The following VAV3 variants were observed in gnomAD, a reference collection of about 807,000 sequenced individuals.
VAV3 encodes the protein guanine nucleotide exchange factor VAV3.
In VAV3, 94 loss-of-function variants were observed where a neutral mutation model predicts 131.2. The ratio of observed to expected loss-of-function variants is 0.72; its 90% CI spans 0.61 to 0.85. The LOEUF (loss-of-function observed/expected upper bound fraction) is 0.85. Among genes scored for constraint, VAV3 ranks in the 40% least tolerant of loss-of-function variants. The pLI is 0.00. For missense variants in VAV3, 939 were observed against 1,002.7 expected (o/e 0.94, Z 0.86); for synonymous variants, 349 against 342.0 (o/e 1.02, Z -0.22).
intron 1 of VAV3, among the ~76,000 whole-genome samples, chr1:107,916,409 T>C (rs1220728504): frequency 1.3e-5 from 2 of 152,196 alleles, no homozygotes; most frequent in Admixed American, 6.5e-5. Context: ...TTCAAATATA[T>C]TGCAAGTAAT....
chr1:107,679,874 T>G (rs757585347), intron 19 of VAV3, among the ~76,000 whole-genome samples: 1 of 152,154 alleles, frequency 6.6e-6, no homozygotes, highest in Non-Finnish European at 1.5e-5. Flanking sequence ...GGAAGAAAAG[T>G]ACAAACTGAT....
At chr1:107,726,537 G>A (rs1018797994) in intron 15 of VAV3, among the ~76,000 whole-genome samples, 1 of 150,562 alleles carries the variant, frequency 6.6e-6, no homozygotes, top group Admixed American at 6.7e-5. Context: ...TCTTGTGCTT[G>A]TAACATCAAA....
chr1:107,888,363 A>G (rs983977728), intron 1 of VAV3, among the ~76,000 whole-genome samples: 4 of 151,802 alleles, frequency 2.6e-5, no homozygotes, highest in African/African-American at 7.3e-5. Flanking sequence ...TAGGCAACCT[A>G]CTCTCCCCTC....
rs142422440 is a variant in VAV3 at position 107,640,181 on chromosome 1, C to A, written c.1914+2438G>T. Among the ~76,000 whole-genome samples the A allele has an allele frequency of 4.8e-3, 730 of 152,184 alleles. 7 individuals carry two copies. Among genetic ancestry groups the A allele is most frequent in the African/African-American group, 0.016 (678 of 41,524 alleles). ...AATTATATTTGAATGTTCATAGAAG[C>A]TTTATTTGCAATAGCCAAAAACTAG... On this transcript the variant is annotated intron_variant, in intron 20 of 26. Coordinates refer to ENST00000370056, the MANE Select transcript of VAV3 (RefSeq NM_006113.5).
At chr1:107,867,377 G>C (rs918047613) in intron 2 of VAV3, among the ~76,000 whole-genome samples, 1 of 152,142 alleles carries the variant, frequency 6.6e-6, no homozygotes, top group Non-Finnish European at 1.5e-5. Context: ...TTCTATAAGA[G>C]GAGGTAGGAA....
intron 2 of VAV3, among the ~76,000 whole-genome samples, chr1:107,853,011 T>A (rs1004118658): frequency 1.3e-5 from 2 of 152,156 alleles, no homozygotes; most frequent in Admixed American, 6.6e-5. Context: ...TTTTTTAATT[T>A]GTATTGATTT....
chr1:107,597,259 T>G (rs1651474199), intron 24 of VAV3, among the ~76,000 whole-genome samples: 1 of 151,278 alleles, frequency 6.6e-6, no homozygotes, highest in Admixed American at 6.6e-5. Flanking sequence ...AAACCACTTG[T>G]TTCTTCTAAA....
At chr1:107,663,659 T>C (rs1657201498) in intron 19 of VAV3, among the ~76,000 whole-genome samples, 1 of 152,228 alleles carries the variant, frequency 6.6e-6, no homozygotes, top group South Asian at 2.1e-4. Flanking sequence ...CATTTGGTAG[T>C]ATTTTACCTC....
intron 21 of VAV3, among the ~76,000 whole-genome samples, 181 bp from the exon 22 acceptor site, chr1:107,610,146 T>C (rs553026604): frequency 6.6e-6 from 1 of 152,312 alleles, no homozygotes; most frequent in Admixed American, 6.5e-5. Context: ...TAGAAAATAA[T>C]TCATTTCACT....
chr1:107,654,559 T>C (rs1348968195), intron 19 of VAV3, among the ~76,000 whole-genome samples: 1 of 152,048 alleles, frequency 6.6e-6, no homozygotes, highest in East Asian at 1.9e-4. Flanking sequence ...TTCAATATTT[T>C]TCCCCCAACC....
At chr1:107,682,520 G>A (rs1476954476) in intron 19 of VAV3, among the ~76,000 whole-genome samples, 1 of 151,860 alleles carries the variant, frequency 6.6e-6, no homozygotes, top group African/African-American at 2.4e-5. Flanking sequence ...CTTCAAATTT[G>A]TTCTGTAGTT....
intron 2 of VAV3, among the ~76,000 whole-genome samples, chr1:107,859,205 G>T (rs947725066): frequency 2.6e-5 from 4 of 151,636 alleles, no homozygotes; most frequent in Admixed American, 2.0e-4. Flanking sequence ...TGAATAGCTG[G>T]GACTACTGGT....
intron 19 of VAV3, among the ~76,000 whole-genome samples, chr1:107,662,408 G>GA (rs1042565337): frequency 4.6e-4 from 70 of 151,210 alleles, no homozygotes; most frequent in African/African-American, 1.7e-3. Context: ...TTCTATAAGG[G>GA]AAAAAAAAAT....
chr1:107,814,457 T>C (rs1487680018), intron 2 of VAV3, among the ~76,000 whole-genome samples: 1 of 151,698 alleles, frequency 6.6e-6, no homozygotes, highest in Admixed American at 6.6e-5. Flanking sequence ...CTTTGAGAAA[T>C]GTTTATTCAT....
At chr1:107,815,130 G>A (rs993304825) in intron 2 of VAV3, among the ~76,000 whole-genome samples, 7 of 152,072 alleles carry the variant, frequency 4.6e-5, no homozygotes, top group East Asian at 1.9e-4. Flanking sequence ...CGTTCACTTC[G>A]GCTGCTGTGT....
chr1:107,883,902 A>T (rs1353511874), intron 1 of VAV3, among the ~76,000 whole-genome samples: 1 of 152,246 alleles, frequency 6.6e-6, no homozygotes, highest in African/African-American at 2.4e-5. Flanking sequence ...GACATACAAA[A>T]GGAAGACAAG....
chr1:107,765,788 T>G (rs961924167), intron 8 of VAV3, among the ~76,000 whole-genome samples: 1 of 152,200 alleles, frequency 6.6e-6, no homozygotes, highest in African/African-American at 2.4e-5. Context: ...TTGCTTCTCT[T>G]AACTCTCCAC....
At position 107,964,827 on chromosome 1, in the gene VAV3, T is replaced by G; in HGVS notation, c.43A>C (p.Lys15Gln). 6.2e-7 allele frequency: 1 copy of G among 1,613,510 alleles called. No homozygotes were observed. Among genetic ancestry groups the G allele is most frequent in the Non-Finnish European group, 8.5e-7 (1 of 1,179,806 alleles). Residue 15 changes from lysine (K) to glutamine (Q), a missense_variant, in exon 1 of 27, where the codon AAG becomes CAG. Transcript: ENST00000370056. ...ACCCGGTGGTTGGTGGGCAGCACCT[T>G]GCAATGGATGAGCCACTGCGCGCAC... ...KQCAQWLIHC[K>Q]VLPTNHRVTW...
chr1:107,632,971 G>A (rs1654615785), intron 20 of VAV3, among the ~76,000 whole-genome samples: 1 of 152,138 alleles, frequency 6.6e-6, no homozygotes, highest in Non-Finnish European at 1.5e-5. Context: ...CTGCTGAAAG[G>A]AAATGACAAC....
Sources: allele counts gnomAD v4.1 joint callset (sites outside exome capture counted in the v4.1 genomes callset), GRCh38; gene constraint gnomAD v4.1.1; transcripts MANE v1.5; gene names NCBI Gene and HGNC (gene_info 2026-07-23, HGNC 2026-07-21).